The following SLC7A13 variants were observed in gnomAD, a reference collection of about 807,000 sequenced individuals.
The protein encoded by SLC7A13 is X-amino acid transporter 2.
In SLC7A13, 31 loss-of-function variants were observed where a neutral mutation model predicts 32.0. The observed-to-expected ratio is 0.97, with a 90% CI of 0.73 to 1.31. The LOEUF is 1.31. Among genes scored for constraint, SLC7A13 ranks in the 50% most tolerant of loss-of-function variants. SLC7A13 has a pLI of 0.00. For missense variants in SLC7A13, 633 were observed against 546.9 expected (o/e 1.16, Z -1.57); for synonymous variants, 232 against 206.9 (o/e 1.12, Z -1.04).
In SLC7A13 at chr8:86,229,115, T is replaced by C. The variant is rs147132878; in HGVS notation, c.685+478A>G. 3.2e-4 allele frequency among the ~76,000 whole-genome samples: 48 copies of C among 152,290 alleles called. 1 individual carries two copies. The East Asian group carries it at 8.3e-3, about 26-fold the overall frequency. On this transcript the variant is annotated intron_variant, in intron 1 of 3. Transcript: ENST00000297524. ...GTCAAGTGCAAGTAAAATCAATTTG[T>C]ATTATTACATTCATCAATGAAAGGA...
At chr8:86,222,501 C>T (rs1820313929) in intron 2 of SLC7A13, among the ~76,000 whole-genome samples, 1 of 152,032 alleles carries the variant, frequency 6.6e-6, no homozygotes, top group South Asian at 2.1e-4. Context: ...TCATGGTAAA[C>T]CGTATTATTT....
At position 86,217,807 on chromosome 8, in the gene SLC7A13, T is replaced by C; in HGVS notation, c.842A>G (p.Asp281Gly). The change falls in exon 3 of 4, where the codon GAT becomes GGT. Residue 281 changes from aspartate (D) to glycine (G), a missense_variant. By Grantham distance (94) the Asp-to-Gly change is moderately conservative (BLOSUM62 -1). Coordinates refer to ENST00000297524, the MANE Select transcript of SLC7A13 (RefSeq NM_138817.3). ...CCATGCTAATGAGGGAAAAGCTCGATCAGCCCATGTGATAGCTACAGCATC... is the reference window on the plus strand; with the variant it reads ...CCATGCTAATGAGGGAAAAGCTCGACCAGCCCATGTGATAGCTACAGCATC... ...SSDAVAITWADRAFPSLAWIM... is the reference protein window; with the variant it reads ...SSDAVAITWAGRAFPSLAWIM... The C allele has an allele frequency of 6.3e-7, 1 of 1,597,978 alleles. No individual in the cohort carries two copies. Among genetic ancestry groups the C allele is most frequent in the Non-Finnish European group, 8.5e-7 (1 of 1,173,746 alleles).
At chr8:86,215,769 G>C in intron 3 of SLC7A13, 4 of 362,416 alleles carry the variant, frequency 1.1e-5, no homozygotes, top group Non-Finnish European at 2.2e-5. Context: ...ATCATCTCAT[G>C]GCTCAGTATC....
At chr8:86,216,527 C>A (rs1444011734) in intron 3 of SLC7A13, among the ~76,000 whole-genome samples, 1 of 152,056 alleles carries the variant, frequency 6.6e-6, no homozygotes, top group Non-Finnish European at 1.5e-5. Context: ...AAACACACAA[C>A]AATTAAGAGA....
intron 1 of SLC7A13, among the ~76,000 whole-genome samples, chr8:86,226,782 C>T (rs965662177): frequency 6.6e-6 from 1 of 151,998 alleles, no homozygotes; most frequent in African/African-American, 2.4e-5. Context: ...GGTTGCATGC[C>T]TTGTCTTATA....
intron 2 of SLC7A13, among the ~76,000 whole-genome samples, chr8:86,218,399 G>T (rs916134542): frequency 1.3e-5 from 2 of 152,018 alleles, no homozygotes; most frequent in South Asian, 2.1e-4. Flanking sequence ...TATGACATTC[G>T]GGACTTTTCT....
chr8:86,214,241 A>G lies in SLC7A13; in HGVS notation c.*172T>C. The G allele has an allele frequency of 2.0e-6, 1 of 499,852 alleles. No homozygotes were observed. The highest frequency in any genetic ancestry group is 5.3e-4 in the Middle Eastern group (1 of 1,898). 31.0% of individuals were successfully genotyped at this position (499,852 alleles called of 1,614,324 possible). A position where few individuals can be genotyped will look rare whatever the true frequency, so the allele number is the denominator to read the frequency against. On this transcript the variant is annotated 3_prime_UTR_variant, in exon 4 of 4. Coordinates refer to ENST00000297524, the MANE Select transcript of SLC7A13 (RefSeq NM_138817.3). ...TTTTAGCAATTTCTTAGTGACTCTG[A>G]AGCCAGGTACTGTCTTAGGCACTTT... is the stretch of plus-strand genomic sequence containing the variant.
rs1820216552 is a variant in SLC7A13, at chr8:86,217,800, A to G, written c.849T>C (p.Ala283=). The G allele has an allele frequency of 1.2e-6, 2 of 1,600,700 alleles. No individual in the cohort carries two copies. The highest frequency in any genetic ancestry group is 1.3e-5 in the African/African-American group (1 of 74,128). ...DAVAITWADR[A]FPSLAWIMPF... ...GCATAATCCATGCTAATGAGGGAAA[A>G]GCTCGATCAGCCCATGTGATAGCTA... Residue 283 remains alanine, a synonymous_variant, in exon 3 of 4, where the codon GCT becomes GCC. Transcript: ENST00000297524.
At chr8:86,219,560 A>G (rs1820252609) in intron 2 of SLC7A13, among the ~76,000 whole-genome samples, 1 of 152,260 alleles carries the variant, frequency 6.6e-6, no homozygotes, top group African/African-American at 2.4e-5. Flanking sequence ...CAATGTAACT[A>G]CCATTAACAG....
intron 2 of SLC7A13, among the ~76,000 whole-genome samples, chr8:86,220,959 C>A (rs778913059): frequency 1.3e-5 from 2 of 149,726 alleles, no homozygotes; most frequent in Non-Finnish European, 3.0e-5. Flanking sequence ...TGCCACTGCA[C>A]TCCAGCCTAG....
At chr8:86,215,983 T>C (rs764989677) in intron 3 of SLC7A13, among the ~76,000 whole-genome samples, 4 of 152,120 alleles carry the variant, frequency 2.6e-5, no homozygotes, top group Non-Finnish European at 4.4e-5. Context: ...AACGTTAATA[T>C]GAGGTAGGTA....
intron 1 of SLC7A13, among the ~76,000 whole-genome samples, chr8:86,225,405 T>C (rs192763449): frequency 3.5e-4 from 53 of 152,298 alleles, no homozygotes; most frequent in African/African-American, 1.3e-3. Context: ...TAGCATATAA[T>C]AAGTGCTGAA....
intron 3 of SLC7A13, among the ~76,000 whole-genome samples, chr8:86,215,999 T>C (rs554832316): frequency 6.6e-6 from 1 of 152,260 alleles, no homozygotes; most frequent in East Asian, 1.9e-4. Flanking sequence ...AGGTATTATT[T>C]TTTCCCATTT....
At position 86,230,268 on chromosome 8, in the gene SLC7A13, C is replaced by G. The variant is rs146811954; in HGVS notation, c.10G>C (p.Gly4Arg). Residue 4 changes from glycine (G) to arginine (R), a missense_variant, in exon 1 of 4, where the codon GGG (glycine) becomes CGG (arginine). Coordinates refer to ENST00000297524, the MANE Select transcript of SLC7A13 (RefSeq NM_138817.3). ...ACTCTCTTGAGCTGTATTTTCTCCC[C>G]TCTATCCATTGTAATTGAAGAGTTT... MDR[G>R]EKIQLKRVFG... 6.4e-6 allele frequency: 10 copies of G among 1,569,558 alleles called. No homozygotes were observed. The East Asian group carries it at 1.1e-4, about 18-fold the overall frequency.
intron 2 of SLC7A13, among the ~76,000 whole-genome samples, chr8:86,222,762 C>T (rs968264106): frequency 1.3e-5 from 2 of 152,120 alleles, no homozygotes; most frequent in Admixed American, 1.3e-4. Context: ...TACATCTTTC[C>T]ATATTATTAG....
intron 1 of SLC7A13, among the ~76,000 whole-genome samples, chr8:86,223,851 T>C (rs1250017969): frequency 6.6e-6 from 1 of 151,872 alleles, no homozygotes; most frequent in East Asian, 1.9e-4. Context: ...ACCTGCCTAA[T>C]ATAGCTAAAT....
intron 3 of SLC7A13, among the ~76,000 whole-genome samples, chr8:86,216,747 T>C (rs1820188113): frequency 2.0e-5 from 3 of 152,212 alleles, no homozygotes; most frequent in Admixed American, 2.0e-4. Flanking sequence ...CTAACTTTTC[T>C]AAATCTGTTT....
chr8:86,230,263 CT>C lies in SLC7A13; in HGVS notation c.14del (p.Glu5GlyfsTer40). 6.3e-7 allele frequency: 1 copy of C among 1,598,986 alleles called. No homozygotes were observed. The highest frequency in any genetic ancestry group is 2.2e-5 in the East Asian group (1 of 44,738). ...CAAACACTCTCTTGAGCTGTATTTT[CT>C]CCCCTCTATCCATTGTAATTGAAGA... MDRGEKIQLKRVFGY... is the reference protein window; with the variant it reads MDRGXKIQLKRVFGY... On this transcript the variant is annotated frameshift_variant, in exon 1 of 4. Coordinates refer to ENST00000297524, the MANE Select transcript of SLC7A13 (RefSeq NM_138817.3). LOFTEE classifies it high-confidence loss of function.
chr8:86,215,253 A>G (rs1052165294), intron 3 of SLC7A13, among the ~76,000 whole-genome samples: 3 of 152,208 alleles, frequency 2.0e-5, no homozygotes, highest in African/African-American at 7.2e-5. Context: ...CTACAACATT[A>G]CCCAATCTAG....
Sources: gnomAD v4.1 joint callset for allele counts (sites outside exome capture counted in the v4.1 genomes callset) on GRCh38, gnomAD v4.1.1 for gene constraint, MANE v1.5 for transcripts, NCBI Gene and HGNC (gene_info 2026-07-23, HGNC 2026-07-21) for gene names.